Variants in MAGI2 observed in about 807,000 individuals in gnomAD.
MAGI2 encodes membrane associated guanylate kinase, WW and PDZ domain containing 2.
In MAGI2, 35 loss-of-function variants were observed where a neutral mutation model predicts 133.3. The ratio of observed to expected loss-of-function variants is 0.26; its 90% CI spans 0.20 to 0.35. The LOEUF (loss-of-function observed/expected upper bound fraction) is 0.35. Among genes scored for constraint, MAGI2 ranks in the 10% least tolerant of loss-of-function variants. The pLI, the probability that MAGI2 is intolerant of heterozygous loss-of-function variation, is 1.00. For missense variants in MAGI2, 1,636 were observed against 1,863.4 expected (o/e 0.88, Z 2.25); for synonymous variants, 729 against 710.6 (o/e 1.03, Z -0.41).
chr7:79,081,976 T>A (rs1816080795), intron 1 of MAGI2, among the ~76,000 whole-genome samples: 1 of 152,118 alleles, frequency 6.6e-6, no homozygotes, highest in South Asian at 2.1e-4. Flanking sequence ...TACATTTTCA[T>A]TTCTCTCTAG....
At chr7:78,593,368 G>C (rs1418805345) in intron 3 of MAGI2, among the ~76,000 whole-genome samples, 1 of 152,002 alleles carries the variant, frequency 6.6e-6, no homozygotes, top group Non-Finnish European at 1.5e-5. Flanking sequence ...CTCCAGCCTG[G>C]GCGACAGAGC....
At chr7:78,787,910 A>G (rs1284009283) in intron 2 of MAGI2, among the ~76,000 whole-genome samples, 1 of 152,208 alleles carries the variant, frequency 6.6e-6, no homozygotes, top group East Asian at 1.9e-4. Flanking sequence ...TAAACTGAGA[A>G]CAAATCCCAT....
intron 1 of MAGI2, among the ~76,000 whole-genome samples, chr7:79,156,119 G>C (rs1417803411): frequency 6.6e-6 from 1 of 151,952 alleles, no homozygotes; most frequent in African/African-American, 2.4e-5. Flanking sequence ...GGGGTCTGGG[G>C]ATTCATGCCC....
intron 2 of MAGI2, among the ~76,000 whole-genome samples, chr7:78,706,153 C>T (rs758933385): frequency 7.2e-5 from 11 of 152,042 alleles, no homozygotes; most frequent in East Asian, 1.9e-4. Context: ...TGTGTCCCCC[C>T]CCAAATCTCA....
chr7:78,869,800 T>A (rs909104700), intron 2 of MAGI2, among the ~76,000 whole-genome samples: 5 of 152,166 alleles, frequency 3.3e-5, no homozygotes, highest in African/African-American at 9.7e-5. Context: ...ACCTGAGAAT[T>A]ACAATTCAAG....
chr7:79,370,366 T>C (rs1842973163), intron 1 of MAGI2, among the ~76,000 whole-genome samples: 1 of 152,134 alleles, frequency 6.6e-6, no homozygotes, highest in Non-Finnish European at 1.5e-5. Context: ...ACATTCTTTG[T>C]GTAGACTCAC....
chr7:78,376,789 G>A lies in MAGI2; in HGVS notation c.1046-7576C>T, dbSNP rs190406147. ...TTTGAGATGGTGACAAGAAGCGGTG[G>A]CAGAAAAGCATGGCACTATAAAGGA... On this transcript the variant is annotated intron_variant, in intron 6 of 21. Coordinates refer to ENST00000354212, the MANE Select transcript of MAGI2 (RefSeq NM_012301.4). Among the ~76,000 whole-genome samples, 439 of 152,204 alleles carry A rather than the reference G, an allele frequency of 2.9e-3. 1 individual carries two copies. Among genetic ancestry groups the A allele is most frequent in the Non-Finnish European group, 4.8e-3 (329 of 67,990 alleles).
At chr7:78,212,061 A>T (rs1005571552) in intron 10 of MAGI2, among the ~76,000 whole-genome samples, 2 of 152,334 alleles carry the variant, frequency 1.3e-5, no homozygotes, top group Admixed American at 6.5e-5. Flanking sequence ...ATTTTCCTGT[A>T]AGTATTTATA....
At chr7:78,397,604 T>C (rs984994613) in intron 6 of MAGI2, among the ~76,000 whole-genome samples, 16 of 152,242 alleles carry the variant, frequency 1.1e-4, no homozygotes, top group Admixed American at 2.6e-4. Flanking sequence ...AGGTATGACT[T>C]TGTGAATGTA....
intron 13 of MAGI2, among the ~76,000 whole-genome samples, chr7:78,184,004 T>C (rs998155492): frequency 2.6e-5 from 4 of 152,270 alleles, no homozygotes; most frequent in Admixed American, 6.5e-5. Flanking sequence ...CCAACTATAT[T>C]ATAACTTTTG....
chr7:78,924,156 TTC>T (rs1799497807), intron 2 of MAGI2, among the ~76,000 whole-genome samples: 14 of 152,140 alleles, frequency 9.2e-5, no homozygotes, highest in Admixed American at 7.9e-4. Context: ...ACAATTTGAC[TTC>T]CTCTTTTCCT....
chr7:78,482,890 CACACACACACACACA>C (rs1563065565), intron 6 of MAGI2, among the ~76,000 whole-genome samples: 8,786 of 148,620 alleles, frequency 0.059, 643 homozygotes, highest in African/African-American at 0.18. Context: ...CACACACACA[CACACACACACACACA>C]CACACACACA....
At chr7:79,104,652 C>T (rs533222892) in intron 1 of MAGI2, among the ~76,000 whole-genome samples, 1 of 151,444 alleles carries the variant, frequency 6.6e-6, no homozygotes, top group Non-Finnish European at 1.5e-5. Flanking sequence ...GGCAACAGAG[C>T]GAGACTCCAT....
intron 3 of MAGI2, among the ~76,000 whole-genome samples, chr7:78,594,906 A>T (rs1270114289): frequency 6.6e-6 from 1 of 152,178 alleles, no homozygotes; most frequent in African/African-American, 2.4e-5. Flanking sequence ...GGCTACAGAG[A>T]AAGGTCTTCA....
At chr7:78,136,562 C>T (rs1383279219) in intron 16 of MAGI2, among the ~76,000 whole-genome samples, 1 of 152,158 alleles carries the variant, frequency 6.6e-6, no homozygotes, top group African/African-American at 2.4e-5. Flanking sequence ...CAATAGTATA[C>T]CCTGTGTAAA....
chr7:78,417,912 T>C (rs1423760562), intron 6 of MAGI2, among the ~76,000 whole-genome samples: 15 of 152,282 alleles, frequency 9.9e-5, no homozygotes, highest in Non-Finnish European at 2.9e-5. Context: ...ATCACCATCT[T>C]TCAGGTAACA....
At chr7:78,752,795 G>C (rs1305555290) in intron 2 of MAGI2, among the ~76,000 whole-genome samples, 1 of 152,136 alleles carries the variant, frequency 6.6e-6, no homozygotes, top group Non-Finnish European at 1.5e-5. Flanking sequence ...TTCTTGTCTG[G>C]AAAGGAAAGA....
chr7:79,006,082 T>C (rs1020455829), intron 2 of MAGI2, among the ~76,000 whole-genome samples: 5 of 152,208 alleles, frequency 3.3e-5, no homozygotes, highest in African/African-American at 1.2e-4. Context: ...CATCTTGACA[T>C]CTCTGTGTGT....
intron 6 of MAGI2, among the ~76,000 whole-genome samples, chr7:78,429,964 T>G (rs1315477141): frequency 6.6e-6 from 1 of 152,118 alleles, no homozygotes; most frequent in Non-Finnish European, 1.5e-5. Context: ...GAATCAGGCA[T>G]TTTGGATCCA....
Sources: gnomAD v4.1 joint callset for allele counts (sites outside exome capture counted in the v4.1 genomes callset) on GRCh38, gnomAD v4.1.1 for gene constraint, MANE v1.5 for transcripts, NCBI Gene and HGNC (gene_info 2026-07-23, HGNC 2026-07-21) for gene names.